SYNPR: variants seen among roughly 807,000 people sequenced by gnomAD.
SYNPR encodes the protein synaptoporin.
In SYNPR, 23 loss-of-function variants were observed where a neutral mutation model predicts 32.9. The ratio of observed to expected loss-of-function variants is 0.70; its 90% CI spans 0.50 to 0.99. The LOEUF is 0.99. Ranked by LOEUF, SYNPR falls within the 50% of genes least tolerant of loss-of-function variation. The probability of loss-of-function intolerance (pLI) is 0.00; values close to 1 mark genes in which losing one functional copy is unlikely to be tolerated. For synonymous variants in SYNPR, 146 were observed against 135.9 expected, an observed-to-expected ratio of 1.07 and a Z score of -0.52; for missense variants, 318 against 349.3, an observed-to-expected ratio of 0.91 and a Z score of 0.71.
At chr3:63,510,673 G>A (rs559159005) in intron 3 of SYNPR, among the ~76,000 whole-genome samples, 1 of 152,066 alleles carries the variant, frequency 6.6e-6, no homozygotes, top group East Asian at 1.9e-4. Flanking sequence ...TTAAAAAATT[G>A]ATTACCTCTC....
At chr3:63,236,993 G>T (rs936937398) in intron 1 of SYNPR, among the ~76,000 whole-genome samples, 5 of 152,076 alleles carry the variant, frequency 3.3e-5, no homozygotes, top group Admixed American at 6.6e-5. Flanking sequence ...GTTAGCTGTA[G>T]ATTTTTCACA....
intron 3 of SYNPR, among the ~76,000 whole-genome samples, chr3:63,539,654 T>G (rs568905011): frequency 7.9e-5 from 12 of 152,068 alleles, no homozygotes; most frequent in Non-Finnish European, 1.5e-4. Context: ...AAGGCAGACC[T>G]TAAAACAAAG....
intron 3 of SYNPR, among the ~76,000 whole-genome samples, chr3:63,521,580 A>C (rs1701914721): frequency 6.6e-6 from 1 of 152,198 alleles, no homozygotes; most frequent in Non-Finnish European, 1.5e-5. Flanking sequence ...GGGTACATCC[A>C]CAAGGCCAGG....
intron 4 of SYNPR, among the ~76,000 whole-genome samples, chr3:63,575,333 C>T (rs1702957596): frequency 1.3e-5 from 2 of 152,108 alleles, no homozygotes; most frequent in South Asian, 4.1e-4. Context: ...CTCTTCCTAC[C>T]AGCCTCTCTG....
chr3:63,351,921 G>A (rs1360819722), intron 2 of SYNPR, among the ~76,000 whole-genome samples: 1 of 152,136 alleles, frequency 6.6e-6, no homozygotes, highest in Non-Finnish European at 1.5e-5. Context: ...AATGATAATC[G>A]ACTCATACAG....
chr3:63,408,150 G>GAAAGAAAGA (rs781195195), intron 2 of SYNPR, among the ~76,000 whole-genome samples: 1,017 of 44,478 alleles, frequency 0.023, 134 homozygotes, highest in Middle Eastern at 0.045. Context: ...AGAAAAGAAA[G>GAAAGAAAGA]AAAGAAAGAA....
At chr3:63,202,698 T>C in the SYNPR span, among the ~76,000 whole-genome samples, 1 of 152,180 alleles carries the variant, frequency 6.6e-6, no homozygotes, top group South Asian at 2.1e-4. Flanking sequence ...CCCAAGGATA[T>C]TTCATAATCA....
In SYNPR at chr3:63,265,241, C is replaced by CTTTTTTTTTTTTTTTT. The variant is rs71126590; in HGVS notation, n.155-2065_155-2050dup. Among the ~76,000 whole-genome samples the CTTTTTTTTTTTTTTTT allele has an allele frequency of 1.9e-3, 195 of 102,172 alleles. 21 individuals carry two copies. Among genetic ancestry groups the CTTTTTTTTTTTTTTTT allele is most frequent in the Non-Finnish European group, 2.6e-3 (138 of 52,548 alleles). 67.0% of individuals were successfully genotyped at this position (102,172 alleles called of 152,430 possible). A position where few individuals can be genotyped will look rare whatever the true frequency, so the allele number is the denominator to read the frequency against. On this transcript the variant is annotated intron_variant and non_coding_transcript_variant, in intron 2 of 4. Coordinates refer to the SYNPR transcript ENST00000478456. ...TGGCAATTTGGTTTCTAATGACATTCTTTTTTTTTTTTTTTTTTTTTTTTT... is the reference window on the plus strand; with the variant it reads ...TGGCAATTTGGTTTCTAATGACATTCTTTTTTTTTTTTTTTTTTTTTTTTTTTTTTTTTTTTTTTTT...
chr3:63,372,675 G>A (rs2087833553), intron 2 of SYNPR, among the ~76,000 whole-genome samples: 1 of 152,148 alleles, frequency 6.6e-6, no homozygotes, highest in African/African-American at 2.4e-5. Flanking sequence ...CCATGAGATA[G>A]GTGAAAAGTC....
intron 2 of SYNPR, among the ~76,000 whole-genome samples, chr3:63,385,929 C>G (rs995282050): frequency 5.3e-5 from 8 of 152,214 alleles, no homozygotes; most frequent in African/African-American, 1.9e-4. Flanking sequence ...ACTATCGAAG[C>G]TAAGACTCAA....
At chr3:63,317,526 G>A (rs1280268897) in intron 2 of SYNPR, among the ~76,000 whole-genome samples, 2 of 151,876 alleles carry the variant, frequency 1.3e-5, no homozygotes, top group Non-Finnish European at 2.9e-5. Context: ...TTTAGAATTT[G>A]TTTTGTCTGA....
chr3:63,526,239 C>G (rs1292307892), intron 3 of SYNPR, among the ~76,000 whole-genome samples: 1 of 152,218 alleles, frequency 6.6e-6, no homozygotes, highest in East Asian at 1.9e-4. Context: ...GGAGACTTTC[C>G]TTGGTTCTTC....
chr3:63,276,949 T>C (rs980935881), upstream of SYNPR, among the ~76,000 whole-genome samples: 2 of 151,604 alleles, frequency 1.3e-5, no homozygotes, highest in Non-Finnish European at 2.9e-5. Flanking sequence ...CCAAACCTTT[T>C]TGGCAAATCT....
chr3:63,428,100 C>A (rs539549046), intron 2 of SYNPR, among the ~76,000 whole-genome samples: 1 of 152,234 alleles, frequency 6.6e-6, no homozygotes, highest in Non-Finnish European at 1.5e-5. Flanking sequence ...TGAATTGCAG[C>A]GTTGTTTACA....
At chr3:63,595,091 T>C (rs543217026) in intron 4 of SYNPR, among the ~76,000 whole-genome samples, 1 of 152,132 alleles carries the variant, frequency 6.6e-6, no homozygotes, top group Non-Finnish European at 1.5e-5. Context: ...CTTTTCCAAG[T>C]AAGTGTTTTG....
chr3:63,557,175 T>C (rs1443623353), intron 4 of SYNPR, among the ~76,000 whole-genome samples: 4 of 152,210 alleles, frequency 2.6e-5, no homozygotes, highest in Admixed American at 2.6e-4. Flanking sequence ...CACTTTCTGT[T>C]GCCTCGTACA....
chr3:63,469,908 C>T (rs1470550071), intron 2 of SYNPR, among the ~76,000 whole-genome samples: 3 of 146,386 alleles, frequency 2.0e-5, no homozygotes, highest in East Asian at 1.9e-4. Flanking sequence ...TTTAACTTTA[C>T]ATTTTTCATC....
At chr3:63,573,429 C>T (rs181135128) in intron 4 of SYNPR, among the ~76,000 whole-genome samples, 168 of 152,238 alleles carry the variant, frequency 1.1e-3, no homozygotes, top group Non-Finnish European at 1.3e-4. Context: ...CGTTAAGAGG[C>T]TGATTTTTGT....
rs754292928 is a variant in SYNPR at position 63,616,866 on chromosome 3, G to A, written c.*1385G>A. 2 of 152,194 alleles carry A rather than the reference G, an allele frequency of 1.3e-5. No homozygotes were observed. Among genetic ancestry groups the A allele is most frequent in the Admixed American group, 6.5e-5 (1 of 15,284 alleles). 9.4% of individuals were successfully genotyped at this position (152,194 alleles called of 1,614,324 possible). Reference sequence around the variant, plus strand: ...TATCTGTAACCAGTTTCTGAATCCCGTTGGATAAAACTGTATTGTGATATC... The same window carrying A: ...TATCTGTAACCAGTTTCTGAATCCCATTGGATAAAACTGTATTGTGATATC... On this transcript the variant is annotated 3_prime_UTR_variant, in exon 6 of 6. Coordinates refer to ENST00000478300, the MANE Select transcript of SYNPR (RefSeq NM_001130003.2).
Sources: allele counts gnomAD v4.1 joint callset (sites outside exome capture counted in the v4.1 genomes callset), GRCh38; gene constraint gnomAD v4.1.1; transcripts MANE v1.5; gene names NCBI Gene and HGNC (gene_info 2026-07-23, HGNC 2026-07-21).